The following PAK6 variants were observed in gnomAD, a reference collection of about 807,000 sequenced individuals.
The protein encoded by PAK6 is serine/threonine-protein kinase PAK 6.
PAK6 carries 33 observed loss-of-function variants against 60.8 expected under a neutral mutation model. The ratio of observed to expected loss-of-function variants is 0.54; its 90% CI spans 0.41 to 0.73. PAK6 has a LOEUF of 0.73. Ranked by LOEUF, PAK6 falls within the 30% of genes least tolerant of loss-of-function variation. The pLI is 0.00. For missense variants in PAK6, 845 were observed against 904.1 expected (o/e 0.93, Z 0.84); for synonymous variants, 404 against 378.5 (o/e 1.07, Z -0.78).
chr15:40,248,095 C>T (rs1028952519), intron 2 of PAK6, among the ~76,000 whole-genome samples: 1 of 152,192 alleles, frequency 6.6e-6, no homozygotes, highest in African/African-American at 2.4e-5. Context: ...AGGCCAGAGA[C>T]ATGCTGTAAG....
At position 40,275,280 on chromosome 15, in the gene PAK6, GTTTTTT is replaced by G. The variant is rs869058525; in HGVS notation, c.1879-630_1879-625del. 3.9e-3 allele frequency among the ~76,000 whole-genome samples: 221 copies of G among 56,524 alleles called. 8 individuals are homozygous for G. Among genetic ancestry groups the G allele is most frequent in the African/African-American group, 0.015 (207 of 13,850 alleles). The allele number at this position is 56,524 out of a possible 152,430, so 37.1% of individuals were successfully genotyped here. The stretch of plus-strand genomic sequence containing the variant: ...GACTTGTTTGTTTCTGTTGTTGTTG[GTTTTTT>G]TTTTTTTTTTTTTTTTGGAGATGGA... On this transcript the variant is annotated intron_variant, in intron 10 of 10. Coordinates refer to ENST00000560346, the Ensembl canonical transcript of PAK6.
In PAK6 at chr15:40,264,767, C is replaced by G. The variant is rs2039075609; in HGVS notation, c.-5-14C>G. Reference sequence around the variant, plus strand: ...TTTCCCGGGAGGGAGCTCAACCTTACTCTGCACTTACAGGCACCATGTTCC... The same window carrying G: ...TTTCCCGGGAGGGAGCTCAACCTTAGTCTGCACTTACAGGCACCATGTTCC... On this transcript the variant is annotated splice_polypyrimidine_tract_variant and intron_variant, in intron 3 of 10. Coordinates refer to ENST00000560346, the Ensembl canonical transcript of PAK6. 6.2e-7 allele frequency: 1 copy of G among 1,612,620 alleles called. No homozygotes were observed. Among genetic ancestry groups the G allele is most frequent in the South Asian group, 1.1e-5 (1 of 91,048 alleles).
intron 10 of PAK6, among the ~76,000 whole-genome samples, chr15:40,274,697 C>T (rs374219412): frequency 1.3e-5 from 2 of 152,254 alleles, no homozygotes; most frequent in African/African-American, 2.4e-5. Context: ...CTGTCCATCA[C>T]GGCGAGTCGG....
chr15:40,274,402 C>T (rs2039392575), intron 10 of PAK6, 126 bp downstream of exon 10: 4 of 1,023,022 alleles, frequency 3.9e-6, no homozygotes, highest in South Asian at 1.7e-5. Flanking sequence ...GGAAAAGGCT[C>T]CTCTTTCCCC....
chr15:40,249,621 C>T (rs866289530), intron 2 of PAK6, among the ~76,000 whole-genome samples: 4 of 152,236 alleles, frequency 2.6e-5, no homozygotes, highest in African/African-American at 9.6e-5. Context: ...TCCTCATCCC[C>T]AGAAAACTTT....
intron 2 of PAK6, among the ~76,000 whole-genome samples, chr15:40,249,291 A>G (rs1434986721): frequency 6.9e-6 from 1 of 144,100 alleles, no homozygotes; most frequent in African/African-American, 2.9e-5. Flanking sequence ...ATCTTGGGGG[A>G]CATAGGTTTC....
At chr15:40,272,679 G>A in exon 6 of PAK6, 2 of 1,603,038 alleles carry the variant, frequency 1.2e-6, no homozygotes, top group Non-Finnish European at 1.7e-6. Flanking sequence ...TCAAGATGAT[G>A]GACCTCAGGA....
intron 3 of PAK6, among the ~76,000 whole-genome samples, chr15:40,258,349 G>A (rs2038893912): frequency 6.6e-6 from 1 of 152,234 alleles, no homozygotes; most frequent in African/African-American, 2.4e-5. Context: ...GGTGGACGGA[G>A]CAGGGGCTCT....
intron 4 of PAK6, 108 bp downstream of exon 4, chr15:40,265,097 T>G (rs2039085625): frequency 5.1e-6 from 5 of 975,142 alleles, no homozygotes; most frequent in Non-Finnish European, 7.5e-6. Context: ...TTCACAGCTA[T>G]CAGTTAATCA....
chr15:40,253,140 C>T, intron 2 of PAK6, 38 bp from the exon 3 acceptor site: 1 of 448,492 alleles, frequency 2.2e-6, no homozygotes, highest in South Asian at 1.6e-5. Context: ...ACACTTGCTA[C>T]ATTTGCCATA....
chr15:40,251,580 T>C (rs913331412), intron 2 of PAK6: 1 of 152,600 alleles, frequency 6.6e-6, no homozygotes, highest in Non-Finnish European at 1.5e-5. Context: ...ATCCCTGCAC[T>C]GTCCTTGGTC....
intron 2 of PAK6, among the ~76,000 whole-genome samples, chr15:40,243,740 T>C (rs1389708610): frequency 1.3e-5 from 2 of 152,242 alleles, no homozygotes; most frequent in Non-Finnish European, 2.9e-5. Flanking sequence ...GCATATTGTT[T>C]GTCCACTGAG....
chr15:40,263,208 G>A (rs921167318), intron 3 of PAK6, among the ~76,000 whole-genome samples: 2 of 152,170 alleles, frequency 1.3e-5, no homozygotes, highest in African/African-American at 4.8e-5. Flanking sequence ...AGAGCCAAAA[G>A]AGAACATGAC....
intron 3 of PAK6, chr15:40,259,813 G>GAA (rs2038937690): frequency 2.0e-5 from 2 of 99,848 alleles, no homozygotes; most frequent in Admixed American, 2.1e-4. Flanking sequence ...AAAAAAAATT[G>GAA]TTTTTTTTTA....
chr15:40,270,861 C>G (rs926362333), intron 5 of PAK6, among the ~76,000 whole-genome samples: 3 of 152,200 alleles, frequency 2.0e-5, no homozygotes, highest in Non-Finnish European at 4.4e-5. Flanking sequence ...AGGCCAGGGA[C>G]TTGGCTGGAG....
chr15:40,264,044 T>C (rs1003177497), intron 3 of PAK6: 2 of 433,588 alleles, frequency 4.6e-6, no homozygotes, highest in African/African-American at 4.0e-5. Context: ...GGCTATCCTC[T>C]TGGCTCAGGG....
intron 3 of PAK6, among the ~76,000 whole-genome samples, chr15:40,255,570 G>T (rs1244887418): frequency 3.3e-5 from 5 of 152,206 alleles, no homozygotes; most frequent in Non-Finnish European, 1.5e-5. Context: ...GCAGGTGACA[G>T]CTGAGCAGAA....
chr15:40,247,075 C>G (rs778537496), intron 2 of PAK6: 2 of 152,382 alleles, frequency 1.3e-5, no homozygotes. Flanking sequence ...CTCCCCCACA[C>G]TCACCTGTCC....
intron 2 of PAK6, among the ~76,000 whole-genome samples, chr15:40,242,239 T>C (rs1202543242): frequency 6.6e-6 from 1 of 152,094 alleles, no homozygotes; most frequent in Non-Finnish European, 1.5e-5. Context: ...GCCCTCTGCG[T>C]AGGTGACTGG....
Sources: allele counts gnomAD v4.1 joint callset (sites outside exome capture counted in the v4.1 genomes callset), GRCh38; gene constraint gnomAD v4.1.1; transcripts MANE v1.5; gene names NCBI Gene and HGNC (gene_info 2026-07-23, HGNC 2026-07-21).